The following CNNM3 variants were observed in gnomAD, a reference collection of about 807,000 sequenced individuals.
CNNM3 encodes metal transporter CNNM3.
A neutral mutation model predicts 57.1 loss-of-function variants in CNNM3; 47 were observed. That is an observed-to-expected ratio of 0.82 (90% confidence interval 0.65 to 1.05). CNNM3 has a LOEUF of 1.05. Ranked by LOEUF, CNNM3 falls within the 50% of genes least tolerant of loss-of-function variation. The pLI is 0.00. For synonymous variants in CNNM3, 507 were observed against 478.2 expected, an observed-to-expected ratio of 1.06 and a Z score of -0.79; for missense variants, 957 against 973.7, an observed-to-expected ratio of 0.98 and a Z score of 0.23.
At chr2:96,828,425 T>C in intron 5 of CNNM3, 142 bp from the exon 6 acceptor site, 4 of 1,102,956 alleles carry the variant, frequency 3.6e-6, no homozygotes, top group Non-Finnish European at 5.2e-6. Flanking sequence ...TGTTTGTCCT[T>C]CTCTCCCAGC....
At chr2:96,819,122 C>T (rs1217180570) in intron 1 of CNNM3, among the ~76,000 whole-genome samples, 1 of 152,182 alleles carries the variant, frequency 6.6e-6, no homozygotes, top group Admixed American at 6.5e-5. Context: ...TTCTTTTAGA[C>T]TCTTGGGTGC....
In CNNM3 at chr2:96,816,283, G is replaced by A. The variant is rs770800211; in HGVS notation, c.6G>A (p.Ala2=). The A allele has an allele frequency of 6.9e-6, 9 of 1,305,186 alleles. No homozygotes were observed. The South Asian group carries it at 2.0e-4, about 29-fold the overall frequency. 80.9% of individuals were successfully genotyped at this position (1,305,186 alleles called of 1,614,324 possible). A position where few individuals can be genotyped will look rare whatever the true frequency, so the allele number is the denominator to read the frequency against. ...CCGAGAGGGGGCAGCAGGCGATGGC[G>A]GCGGCGGTAGCTGCGGCGGGTCGGT... M[A]AAVAAAGRLG... Residue 2 remains alanine, a synonymous_variant, in exon 1 of 8, where the codon GCG becomes GCA. Transcript: ENST00000305510.
At chr2:96,820,319 C>T (rs1316933936) in intron 1 of CNNM3, among the ~76,000 whole-genome samples, 2 of 152,178 alleles carry the variant, frequency 1.3e-5, no homozygotes, top group African/African-American at 2.4e-5. Flanking sequence ...GGTGGCGGTG[C>T]GCCTTCACTA....
chr2:96,832,064 G>T, intron 7 of CNNM3: 1 of 990,482 alleles, frequency 1.0e-6, no homozygotes, highest in Non-Finnish European at 1.2e-6. Flanking sequence ...CAGAGCACAC[G>T]TAAGGTAAAT....
In CNNM3 at chr2:96,816,596, G is replaced by T; in HGVS notation, c.319G>T (p.Ala107Ser). Residue 107 changes from alanine (A) to serine (S), a missense_variant, in exon 1 of 8, where the codon GCC (alanine) becomes TCC (serine). Ala to Ser is a moderately conservative substitution (Grantham distance 99, BLOSUM62 1). Coordinates refer to ENST00000305510, the MANE Select transcript of CNNM3 (RefSeq NM_017623.5). ...WRALLRLRLRAEAVRPHSALL... is the reference protein window; with the variant it reads ...WRALLRLRLRSEAVRPHSALL... ...CGCGCTGCTGCGCTTGCGCCTGCGG[G>T]CCGAGGCCGTGCGCCCGCACTCGGC... 3 of 1,208,194 alleles carry T rather than the reference G, an allele frequency of 2.5e-6. No homozygotes were observed. Among genetic ancestry groups the T allele is most frequent in the Non-Finnish European group, 3.1e-6 (3 of 973,150 alleles). The allele number at this position is 1,208,194 out of a possible 1,614,324, so 74.8% of individuals were successfully genotyped here.
chr2:96,825,059 G>A lies in CNNM3; in HGVS notation c.1227G>A (p.Gly409=), dbSNP rs976713310. The change falls in exon 2 of 8, where the codon GGG becomes GGA. Residue 409 remains glycine (G), a splice_region_variant and synonymous_variant. Coordinates refer to ENST00000305510, the MANE Select transcript of CNNM3 (RefSeq NM_017623.5). ...TCCATGAGTGTCCTCCCCCCACAGG[G>A]AAGTCCCACCTGGCCATCGTGCAGA... ...LDAVLEEFKR[G]KSHLAIVQKV... 3 of 1,612,456 alleles carry A rather than the reference G, an allele frequency of 1.9e-6. No homozygotes were observed. The highest frequency in any genetic ancestry group is 3.3e-5 in the Admixed American group (2 of 60,010).
intron 1 of CNNM3, among the ~76,000 whole-genome samples, chr2:96,818,966 T>C (rs2079366473): frequency 6.6e-6 from 1 of 152,204 alleles, no homozygotes; most frequent in Non-Finnish European, 1.5e-5. Flanking sequence ...TGACCGCTAC[T>C]CCTGACTGAG....
chr2:96,825,099 G>GT lies in CNNM3; in HGVS notation c.1267_1268insT (p.Gly423ValfsTer2), dbSNP rs941107881. 6.2e-7 allele frequency: 1 copy of GT among 1,613,680 alleles called. No homozygotes were observed. The highest frequency in any genetic ancestry group is 1.3e-5 in the African/African-American group (1 of 74,908). On this transcript the variant is annotated frameshift_variant, in exon 2 of 8. Coordinates refer to ENST00000305510, the MANE Select transcript of CNNM3 (RefSeq NM_017623.5). LOFTEE classifies it high-confidence loss of function. ...CATCGTGCAGAAGGTGAACAACGAG[G>GT]GTGAAGGCGACCCCTTCTACGAGGT...
At chr2:96,819,213 C>G (rs907648572) in intron 1 of CNNM3, among the ~76,000 whole-genome samples, 1 of 152,122 alleles carries the variant, frequency 6.6e-6, no homozygotes, top group African/African-American at 2.4e-5. Flanking sequence ...CAGAGCCTCG[C>G]GGTGGTAAGT....
At chr2:96,828,469 T>G in intron 5 of CNNM3, 98 bp from the exon 6 acceptor site, 1 of 1,434,554 alleles carries the variant, frequency 7.0e-7, no homozygotes, top group Non-Finnish European at 9.6e-7. Context: ...GAGTGATTGG[T>G]GGGGTGGGTC....
At chr2:96,821,986 CATTATTATT>C (rs769275167) in intron 1 of CNNM3, among the ~76,000 whole-genome samples, 2 of 148,268 alleles carry the variant, frequency 1.3e-5, no homozygotes, top group African/African-American at 5.1e-5. Flanking sequence ...TACAAAAGAA[CATTATTATT>C]ATTATTATTA....
rs1204842399 is a variant in CNNM3, at chr2:96,834,586, C to T, written c.*1970C>T. Among the ~76,000 whole-genome samples the T allele has an allele frequency of 1.3e-5, 2 of 151,306 alleles. No individual in the cohort carries two copies. Among genetic ancestry groups the T allele is most frequent in the South Asian group, 2.1e-4 (1 of 4,762 alleles). On this transcript the variant is annotated 3_prime_UTR_variant, in exon 8 of 8. Coordinates refer to ENST00000305510, the MANE Select transcript of CNNM3 (RefSeq NM_017623.5). ...GTAGTCTCGAACTCCTAGGCTCAAG[C>T]GATCCTCCTGCCTCGGCCTCCCAAA...
At chr2:96,835,608 C>A (rs1559018756), downstream of CNNM3, among the ~76,000 whole-genome samples, 2 of 152,008 alleles carry the variant, frequency 1.3e-5, no homozygotes, top group South Asian at 4.1e-4. Context: ...GCTGGGACTA[C>A]AGGCGCCCGC....
rs982782201 is a variant in CNNM3, at chr2:96,818,324, C to G, written c.1225+822C>G. ...GGTCTTGAACTCCTGACCAGGTGAT[C>G]CACTTGCCTCGCCCTCCCAAAGTGC... On this transcript the variant is annotated intron_variant, in intron 1 of 7. Transcript: ENST00000305510. Among the ~76,000 whole-genome samples the G allele has an allele frequency of 5.3e-5, 8 of 151,820 alleles. No individual in the cohort carries two copies. In the East Asian group the frequency reaches 1.2e-3, roughly 22 times the overall value.
chr2:96,828,061 C>G (rs1241616988), intron 4 of CNNM3, 38 bp from the exon 5 acceptor site: 2 of 1,594,968 alleles, frequency 1.3e-6, no homozygotes, highest in Middle Eastern at 1.7e-4. Context: ...GAAAGGTAAT[C>G]TGGCCGCATC....
intron 1 of CNNM3, among the ~76,000 whole-genome samples, chr2:96,823,172 C>T (rs1363676630): frequency 6.6e-6 from 1 of 152,186 alleles, no homozygotes; most frequent in Non-Finnish European, 1.5e-5. Context: ...TTCTTCTGTT[C>T]GTGATAGAAT....
intron 2 of CNNM3, 42 bp downstream of exon 2, chr2:96,825,243 C>T: frequency 6.2e-7 from 1 of 1,606,554 alleles, no homozygotes; most frequent in African/African-American, 1.3e-5. Flanking sequence ...GCTGGGCCTG[C>T]ACACTTCCCC....
Position 96,816,781 on chromosome 2 carries a change from G to T in CNNM3, c.504G>T (p.Val168=). ...CGCTGGCGCCTGCCGAGGTGCAGGTGCTGCGCGAGAGCGGCTCGGAGGCGG... is the reference window on the plus strand; with the variant it reads ...CGCTGGCGCCTGCCGAGGTGCAGGTTCTGCGCGAGAGCGGCTCGGAGGCGG... ...ALALAPAEVQ[V]LRESGSEAER... Residue 168 remains valine (V), a synonymous_variant, in exon 1 of 8, where the codon GTG becomes GTT. Coordinates refer to ENST00000305510, the MANE Select transcript of CNNM3 (RefSeq NM_017623.5). 9.8e-7 allele frequency: 1 copy of T among 1,022,388 alleles called. No individual in the cohort carries two copies. Among genetic ancestry groups the T allele is most frequent in the South Asian group, 4.4e-5 (1 of 22,772 alleles). The allele number at this position is 1,022,388 out of a possible 1,614,324, so 63.3% of individuals were successfully genotyped here.
rs769179461 is a variant in CNNM3 at position 96,817,261 on chromosome 2, C to T, written c.984C>T (p.Asp328=). 5.0e-6 allele frequency: 8 copies of T among 1,611,888 alleles called. No individual in the cohort carries two copies. In the Admixed American group the frequency reaches 1.0e-4, roughly 20 times the overall value. The stretch of plus-strand genomic sequence containing the variant: ...CCCTCGAAGACTGCTTCATGCTGGA[C>T]GCCAGCACCGTGCTGGACTTCGGCG... The part of the protein sequence containing the change: ...LTPLEDCFML[D]ASTVLDFGVL... Residue 328 remains aspartate, a synonymous_variant, in exon 1 of 8, where the codon GAC becomes GAT. Coordinates refer to ENST00000305510, the MANE Select transcript of CNNM3 (RefSeq NM_017623.5).
Sources: allele counts gnomAD v4.1 joint callset (sites outside exome capture counted in the v4.1 genomes callset), GRCh38; gene constraint gnomAD v4.1.1; transcripts MANE v1.5; gene names NCBI Gene and HGNC (gene_info 2026-07-23, HGNC 2026-07-21).